NPHP1: variants seen among roughly 807,000 people sequenced by gnomAD.
NPHP1 encodes the protein nephrocystin 1.
NPHP1 carries 70 observed loss-of-function variants against 90.4 expected under a neutral mutation model. The observed-to-expected ratio is 0.77, with a 90% CI of 0.64 to 0.95. The LOEUF (loss-of-function observed/expected upper bound fraction) is 0.95, where lower values mean the gene tolerates loss of function less well. Among genes scored for constraint, NPHP1 ranks in the 40% least tolerant of loss-of-function variants. NPHP1 has a pLI of 0.00. For synonymous variants in NPHP1, 256 were observed against 271.7 expected (o/e 0.94, Z 0.57); for missense variants, 764 against 795.9 (o/e 0.96, Z 0.48).
At chr2:110,147,493 A>G (rs1681148743) in intron 13 of NPHP1, among the ~76,000 whole-genome samples, 1 of 152,164 alleles carries the variant, frequency 6.6e-6, no homozygotes. Flanking sequence ...CTGGTTCAGT[A>G]GTTTATATGA....
At chr2:110,204,825 G>A in intron 1 of NPHP1, 75 bp downstream of exon 1, 2 of 1,488,330 alleles carry the variant, frequency 1.3e-6, no homozygotes, top group South Asian at 1.1e-5. Context: ...GTGGGGTCAC[G>A]GTGGGAAGGC....
chr2:110,146,011 A>C lies in NPHP1; in HGVS notation c.1352+742T>G, dbSNP rs534376520. On this transcript the variant is annotated intron_variant, in intron 14 of 19. Transcript: ENST00000445609. ...GGAATTATTACAATCTTCCAGATTAAAGATAGGTGAAATTCAGACTTGGAG... is the reference window on the plus strand; with the variant it reads ...GGAATTATTACAATCTTCCAGATTACAGATAGGTGAAATTCAGACTTGGAG... 1.4e-4 allele frequency among the ~76,000 whole-genome samples: 22 copies of C among 152,328 alleles called. No homozygotes were observed. In the South Asian group the frequency reaches 4.1e-3, roughly 29 times the overall value.
chr2:110,130,541 C>T (rs1440049412), intron 17 of NPHP1, among the ~76,000 whole-genome samples: 1 of 152,158 alleles, frequency 6.6e-6, no homozygotes, highest in Non-Finnish European at 1.5e-5. Flanking sequence ...CTGCGCTTCT[C>T]TGCCTTTGAG....
intron 10 of NPHP1, among the ~76,000 whole-genome samples, chr2:110,160,490 G>A (rs564747641): frequency 1.6e-4 from 25 of 152,108 alleles, no homozygotes; most frequent in Non-Finnish European, 3.2e-4. Context: ...CTTAAAAGCT[G>A]TGATGAAAGG....
chr2:110,165,298 T>G (rs1019515791), intron 6 of NPHP1, 143 bp from the exon 7 acceptor site: 1 of 688,678 alleles, frequency 1.5e-6, no homozygotes, highest in African/African-American at 1.8e-5. Context: ...GCATCAGTAC[T>G]TTCAGAAAAT....
At chr2:110,196,292 TCAAA>T (rs1162485782) in intron 2 of NPHP1, among the ~76,000 whole-genome samples, 4 of 149,476 alleles carry the variant, frequency 2.7e-5, no homozygotes, top group Admixed American at 1.3e-4. Context: ...TACAATGAAC[TCAAA>T]CAAATTTACA....
intron 17 of NPHP1, among the ~76,000 whole-genome samples, chr2:110,129,561 T>A (rs2271242): frequency 5.9e-5 from 9 of 152,170 alleles, no homozygotes; most frequent in African/African-American, 1.9e-4. Context: ...CTTCTCTTTC[T>A]TCCTTATGGC....
At chr2:110,125,141 C>T (rs1679255374) in intron 19 of NPHP1, 1 of 1,504,600 alleles carries the variant, frequency 6.6e-7, no homozygotes, top group South Asian at 1.3e-5. Context: ...ATCTATAGCC[C>T]TTCCCATTTG....
At chr2:110,152,097 C>T (rs1474255214) in intron 11 of NPHP1, among the ~76,000 whole-genome samples, 1 of 152,058 alleles carries the variant, frequency 6.6e-6, no homozygotes, top group Non-Finnish European at 1.5e-5. Context: ...AAACCAGACC[C>T]AAAGAATGAA....
At chr2:110,124,772 C>G (rs1679231810) in intron 19 of NPHP1, 1 of 173,344 alleles carries the variant, frequency 5.8e-6, no homozygotes, top group South Asian at 1.4e-4. Flanking sequence ...CCCAAGGCTG[C>G]TGTACTAGAA....
At chr2:110,168,734 A>T (rs1318596563) in intron 5 of NPHP1, among the ~76,000 whole-genome samples, 181 bp from the exon 6 acceptor site, 4 of 152,002 alleles carry the variant, frequency 2.6e-5, no homozygotes, top group African/African-American at 4.8e-5. Flanking sequence ...TGCCTAACTC[A>T]CCTAAAACCA....
chr2:110,186,015 G>C (rs939701061), intron 2 of NPHP1, among the ~76,000 whole-genome samples: 4 of 152,138 alleles, frequency 2.6e-5, no homozygotes, highest in African/African-American at 7.2e-5. Flanking sequence ...GATGGAGAGA[G>C]GGAGCTCACT....
intron 2 of NPHP1, among the ~76,000 whole-genome samples, chr2:110,194,255 G>A (rs182389674): frequency 0.12 from 17,704 of 151,796 alleles, 1,451 homozygotes; most frequent in East Asian, 0.35. Flanking sequence ...TTGATAAACC[G>A]CTAGCAAGAC....
At chr2:110,195,253 A>G (rs1469397095) in intron 2 of NPHP1, among the ~76,000 whole-genome samples, 6 of 152,158 alleles carry the variant, frequency 3.9e-5, no homozygotes, top group Admixed American at 2.6e-4. Context: ...GTATATCTAG[A>G]AAACCCCATC....
intron 8 of NPHP1, 30 bp from the exon 9 acceptor site, chr2:110,163,165 T>G (rs756324263): frequency 1.1e-4 from 162 of 1,488,672 alleles, no homozygotes; most frequent in Non-Finnish European, 1.3e-4. Context: ...AATGGATTTG[T>G]TTTCAGTCAT....
intron 19 of NPHP1, chr2:110,125,356 G>A: frequency 6.6e-7 from 1 of 1,505,590 alleles, no homozygotes; most frequent in Non-Finnish European, 8.8e-7. Context: ...AAAGAAATTT[G>A]ATACACAACT....
At chr2:110,142,884 A>T (rs974228623) in intron 16 of NPHP1, among the ~76,000 whole-genome samples, 1 of 152,218 alleles carries the variant, frequency 6.6e-6, no homozygotes, top group Non-Finnish European at 1.5e-5. Flanking sequence ...GACAGTCTGT[A>T]CTATTTAGAA....
At chr2:110,172,943 T>A (rs1388901503) in intron 4 of NPHP1, among the ~76,000 whole-genome samples, 2 of 151,466 alleles carry the variant, frequency 1.3e-5, no homozygotes, top group Non-Finnish European at 2.9e-5. Flanking sequence ...ATGTAGTAAT[T>A]TCTTTTCTTT....
intron 16 of NPHP1, among the ~76,000 whole-genome samples, chr2:110,140,251 G>T (rs1193011819): frequency 6.6e-6 from 1 of 152,170 alleles, no homozygotes; most frequent in Non-Finnish European, 1.5e-5. Flanking sequence ...AAGGCAGAGG[G>T]AGGCCAGGGA....
Sources: gnomAD v4.1 joint callset for allele counts (sites outside exome capture counted in the v4.1 genomes callset) on GRCh38, gnomAD v4.1.1 for gene constraint, MANE v1.5 for transcripts, NCBI Gene and HGNC (gene_info 2026-07-23, HGNC 2026-07-21) for gene names.